Variants in CRTAC1 observed in about 807,000 individuals in gnomAD.
CRTAC1 encodes acidic secreted protein in cartilage.
A neutral mutation model predicts 67.8 loss-of-function variants in CRTAC1; 37 were observed. The observed-to-expected ratio is 0.55, with a 90% CI of 0.42 to 0.72. The LOEUF (loss-of-function observed/expected upper bound fraction) is 0.72, where lower values mean the gene tolerates loss of function less well. Ranked by LOEUF, CRTAC1 falls within the 30% of genes least tolerant of loss-of-function variation. CRTAC1 has a pLI of 0.00. For synonymous variants in CRTAC1, 348 were observed against 371.0 expected (o/e 0.94, Z 0.71); for missense variants, 780 against 931.6 (o/e 0.84, Z 2.12).
At chr10:98,003,030 G>A (rs1293572548) in intron 2 of CRTAC1, among the ~76,000 whole-genome samples, 6 of 151,626 alleles carry the variant, frequency 4.0e-5, no homozygotes, top group Middle Eastern at 3.4e-3. Context: ...TGATCTGCCC[G>A]CCTCAGCCTC....
intron 3 of CRTAC1, among the ~76,000 whole-genome samples, chr10:97,928,550 C>T (rs11189440): frequency 0.78 from 118,982 of 152,120 alleles, 48,618 homozygotes; most frequent in Non-Finnish European, 0.89. Context: ...ACGTATGAAG[C>T]GCCTGGGGCA....
At chr10:97,868,681 T>G (rs1052535277) in intron 14 of CRTAC1, 32 of 152,206 alleles carry the variant, frequency 2.1e-4, no homozygotes, top group African/African-American at 7.7e-4. Flanking sequence ...AGGTTCATTC[T>G]GTTTTGGGAT....
chr10:98,012,298 T>A (rs1842924090), intron 1 of CRTAC1, among the ~76,000 whole-genome samples: 1 of 151,470 alleles, frequency 6.6e-6, no homozygotes. Flanking sequence ...GCCAAGGAGG[T>A]GGAGGGATTC....
At chr10:97,953,215 T>C (rs1158317008) in intron 2 of CRTAC1, among the ~76,000 whole-genome samples, 2 of 152,122 alleles carry the variant, frequency 1.3e-5, no homozygotes, top group African/African-American at 4.8e-5. Context: ...AGGGGTCAGA[T>C]CAAGCCTAGG....
chr10:97,897,562 T>A (rs1354746584), intron 8 of CRTAC1, among the ~76,000 whole-genome samples: 1 of 152,232 alleles, frequency 6.6e-6, no homozygotes, highest in African/African-American at 2.4e-5. Flanking sequence ...AACACAGTGC[T>A]TGGCTCTCAG....
At chr10:97,991,099 C>CAAAAAAAAAAAAAAAAA (rs757267901) in intron 2 of CRTAC1, among the ~76,000 whole-genome samples, 7 of 17,978 alleles carry the variant, frequency 3.9e-4, no homozygotes, top group Non-Finnish European at 4.8e-4. Context: ...ACCATCTCTA[C>CAAAAAAAAAAAAAAAAA]AAAAAAAAAA....
At chr10:97,900,256 G>C (rs540747901) in intron 8 of CRTAC1, among the ~76,000 whole-genome samples, 211 of 152,230 alleles carry the variant, frequency 1.4e-3, no homozygotes, top group Non-Finnish European at 2.4e-3. Context: ...AGGAACCCTT[G>C]TCATCCAGAA....
intron 14 of CRTAC1, among the ~76,000 whole-genome samples, chr10:97,874,852 G>A (rs186216886): frequency 3.3e-5 from 5 of 152,200 alleles, no homozygotes; most frequent in African/African-American, 4.8e-5. Flanking sequence ...ACCTCCATCC[G>A]GGCCTTCCCG....
chr10:97,930,041 C>T (rs996953712), intron 3 of CRTAC1, among the ~76,000 whole-genome samples: 3 of 152,190 alleles, frequency 2.0e-5, no homozygotes, highest in Non-Finnish European at 2.9e-5. Context: ...GAAACCCGAT[C>T]AGCTCCCGCC....
chr10:97,888,965 A>T (rs2050325072), intron 11 of CRTAC1, among the ~76,000 whole-genome samples: 3 of 152,138 alleles, frequency 2.0e-5, no homozygotes, highest in African/African-American at 7.2e-5. Context: ...GCACTTTAAT[A>T]AAGCAATTTT....
chr10:97,879,592 G>A, intron 14 of CRTAC1: 1 of 1,470,264 alleles, frequency 6.8e-7, no homozygotes, highest in African/African-American at 1.4e-5. Flanking sequence ...GAACCTACTG[G>A]GCGTGGAGAG....
At chr10:97,968,873 G>C (rs112034812) in intron 2 of CRTAC1, among the ~76,000 whole-genome samples, 37 of 152,260 alleles carry the variant, frequency 2.4e-4, no homozygotes, top group Non-Finnish European at 7.3e-5. Flanking sequence ...GCAGACCGTG[G>C]GTCCTATCCC....
At chr10:97,943,259 G>A (rs560886098) in intron 2 of CRTAC1, among the ~76,000 whole-genome samples, 2 of 152,174 alleles carry the variant, frequency 1.3e-5, no homozygotes, top group South Asian at 4.2e-4. Context: ...AAGCCGACAA[G>A]CACAGAGAAA....
At chr10:97,890,035 A>T (rs975985287) in intron 11 of CRTAC1, among the ~76,000 whole-genome samples, 8 of 152,152 alleles carry the variant, frequency 5.3e-5, no homozygotes, top group African/African-American at 1.9e-4. Context: ...AATACTCCAC[A>T]GCACTGAAAG....
intron 2 of CRTAC1, among the ~76,000 whole-genome samples, chr10:98,005,094 A>ATTTTTTTTTT (rs1195659934): frequency 3.1e-5 from 1 of 32,228 alleles, no homozygotes; most frequent in East Asian, 1.2e-3. Flanking sequence ...ATATATATAT[A>ATTTTTTTTTT]TATATATTTT....
chr10:97,974,028 G>A (rs970458840), intron 2 of CRTAC1, among the ~76,000 whole-genome samples: 3 of 151,036 alleles, frequency 2.0e-5, no homozygotes, highest in Non-Finnish European at 4.4e-5. Context: ...CACATTCTCC[G>A]GTGACCTCAT....
chr10:97,949,146 G>T (rs1241960975), intron 2 of CRTAC1, among the ~76,000 whole-genome samples: 2 of 152,202 alleles, frequency 1.3e-5, no homozygotes, highest in East Asian at 1.9e-4. Flanking sequence ...CAGCCTGCTG[G>T]ATTAGCAAGA....
At position 97,935,756 on chromosome 10, in the gene CRTAC1, C is replaced by T. The variant is rs80230249; in HGVS notation, c.421+414G>A. 1.2e-4 allele frequency among the ~76,000 whole-genome samples: 19 copies of T among 152,306 alleles called. No homozygotes were observed. The East Asian group carries it at 3.5e-3, about 28-fold the overall frequency. On this transcript the variant is annotated intron_variant, in intron 3 of 14. Transcript: ENST00000370597. ...CAGAACATTTTAGAAAGGTCCTCTA[C>T]AGCTAGCATGGAGGCTGATTCTAGT...
chr10:97,878,722 C>T, intron 14 of CRTAC1: 1 of 1,302,706 alleles, frequency 7.7e-7, no homozygotes, highest in Non-Finnish European at 1.0e-6. Flanking sequence ...ATGAGCCAGG[C>T]CTATGTCCAG....
Sources: gnomAD v4.1 joint callset for allele counts (sites outside exome capture counted in the v4.1 genomes callset) on GRCh38, gnomAD v4.1.1 for gene constraint, MANE v1.5 for transcripts, NCBI Gene and HGNC (gene_info 2026-07-23, HGNC 2026-07-21) for gene names.